Variants in PARD3 observed in about 807,000 individuals in gnomAD.
PARD3 encodes the protein par-3 family cell polarity regulator.
A neutral mutation model predicts 155.4 loss-of-function variants in PARD3; 75 were observed. The ratio of observed to expected loss-of-function variants is 0.48; its 90% CI spans 0.40 to 0.58. The LOEUF is 0.58. Among genes scored for constraint, PARD3 ranks in the 20% least tolerant of loss-of-function variants. The probability of loss-of-function intolerance (pLI) is 0.00; values close to 1 mark genes in which losing one functional copy is unlikely to be tolerated. For missense variants in PARD3, 1,642 were observed against 1,721.7 expected (o/e 0.95, Z 0.82); for synonymous variants, 576 against 610.5 (o/e 0.94, Z 0.83).
At chr10:34,692,878 C>T (rs2094096017) in intron 2 of PARD3, among the ~76,000 whole-genome samples, 1 of 152,040 alleles carries the variant, frequency 6.6e-6, no homozygotes, top group Non-Finnish European at 1.5e-5. Flanking sequence ...CATCTCAAAA[C>T]AAAGTGGACA....
chr10:34,568,079 A>G (rs762390459), intron 2 of PARD3, among the ~76,000 whole-genome samples: 37 of 152,014 alleles, frequency 2.4e-4, no homozygotes, highest in Non-Finnish European at 4.4e-4. Flanking sequence ...CTGCTCTCTC[A>G]CCTCTGCCTC....
chr10:34,697,133 T>C (rs961747164), intron 1 of PARD3, among the ~76,000 whole-genome samples: 3 of 152,136 alleles, frequency 2.0e-5, no homozygotes, highest in Admixed American at 2.0e-4. Flanking sequence ...TTAAATTTTA[T>C]ACACTTCTAT....
intron 4 of PARD3, among the ~76,000 whole-genome samples, chr10:34,468,488 C>A (rs1313026730): frequency 6.6e-6 from 1 of 152,112 alleles, no homozygotes; most frequent in East Asian, 1.9e-4. Flanking sequence ...TAAATTAGGT[C>A]TGTTCTAAAA....
intron 1 of PARD3, among the ~76,000 whole-genome samples, chr10:34,766,598 T>C (rs1416749771): frequency 6.9e-6 from 1 of 144,754 alleles, no homozygotes; most frequent in East Asian, 2.0e-4. Flanking sequence ...GCTCTAATAT[T>C]TTTAAAATAC....
In PARD3 at chr10:34,695,540, A is replaced by G. The variant is rs188501712; in HGVS notation, c.222+778T>C. Among the ~76,000 whole-genome samples the G allele has an allele frequency of 4.0e-5, 6 of 151,170 alleles. No individual in the cohort carries two copies. The East Asian group carries it at 5.8e-4, about 15-fold the overall frequency. On this transcript the variant is annotated intron_variant, in intron 2 of 24. Transcript: ENST00000374788. ...TCCAGAGCCGAACATCCTGTCACGC[A>G]TTCTCAAAACGCTGAACGTTCCTCC...
At chr10:34,800,358 C>T (rs973538052) in intron 1 of PARD3, among the ~76,000 whole-genome samples, 1 of 151,986 alleles carries the variant, frequency 6.6e-6, no homozygotes, top group African/African-American at 2.4e-5. Flanking sequence ...CCTGTAAATC[C>T]CAGCACTTTG....
At chr10:34,640,447 T>C (rs1214558091) in intron 2 of PARD3, among the ~76,000 whole-genome samples, 3 of 151,760 alleles carry the variant, frequency 2.0e-5, no homozygotes, top group Non-Finnish European at 4.4e-5. Flanking sequence ...TGAAACCCTG[T>C]CTCTACTAAA....
chr10:34,323,775 C>A (rs1958518779), intron 19 of PARD3, among the ~76,000 whole-genome samples: 1 of 152,210 alleles, frequency 6.6e-6, no homozygotes, highest in East Asian at 1.9e-4. Flanking sequence ...CTTCCCTAGA[C>A]AATGTTGCAG....
intron 15 of PARD3, chr10:34,343,485 T>C: frequency 2.5e-5 from 25 of 984,468 alleles, no homozygotes; most frequent in Non-Finnish European, 3.0e-5. Context: ...ATCTTCCTCA[T>C]AGTAAGAAAA....
In PARD3 at chr10:34,459,677, C is replaced by T. The variant is rs568675129; in HGVS notation, c.583-9229G>A. The stretch of plus-strand genomic sequence containing the variant: ...CAGTCTTATACATTATTTAGATGTG[C>T]ATCATAAATATTTTATATTTATCTA... On this transcript the variant is annotated intron_variant, in intron 4 of 24. Transcript: ENST00000374788. Among the ~76,000 whole-genome samples the T allele has an allele frequency of 4.4e-4, 67 of 152,120 alleles. No individual in the cohort carries two copies. In the South Asian group the frequency reaches 0.014, roughly 31 times the overall value.
At chr10:34,300,778 G>A (rs1347783570) in intron 20 of PARD3, among the ~76,000 whole-genome samples, 2 of 152,128 alleles carry the variant, frequency 1.3e-5, no homozygotes, top group Admixed American at 1.3e-4. Context: ...CTAATGCCAC[G>A]AAGATCCTTA....
chr10:34,413,594 C>T (rs549799240), intron 5 of PARD3, among the ~76,000 whole-genome samples: 177 of 152,248 alleles, frequency 1.2e-3, no homozygotes, highest in African/African-American at 3.8e-3. Flanking sequence ...CTAAGGGTCC[C>T]GAGTTACCTG....
At chr10:34,296,809 G>A (rs1589091852) in intron 20 of PARD3, among the ~76,000 whole-genome samples, 1 of 152,132 alleles carries the variant, frequency 6.6e-6, no homozygotes, top group South Asian at 2.1e-4. Context: ...ATACTTTGGG[G>A]GATAATTTCA....
At chr10:34,461,626 T>C (rs1044520445) in intron 4 of PARD3, among the ~76,000 whole-genome samples, 9 of 151,916 alleles carry the variant, frequency 5.9e-5, no homozygotes, top group African/African-American at 2.2e-4. Flanking sequence ...AATAAATAAA[T>C]AAAAAGATGA....
intron 22 of PARD3, among the ~76,000 whole-genome samples, chr10:34,133,779 T>C (rs1223191546): frequency 6.6e-6 from 1 of 152,210 alleles, no homozygotes; most frequent in Non-Finnish European, 1.5e-5. Flanking sequence ...AAATTGAACA[T>C]GTTCATGTAC....
intron 24 of PARD3, among the ~76,000 whole-genome samples, chr10:34,116,005 C>G (rs1439611887): frequency 1.3e-5 from 2 of 152,114 alleles, no homozygotes; most frequent in African/African-American, 4.8e-5. Flanking sequence ...GCCACCACGC[C>G]CAGCCTATAA....
chr10:34,530,323 A>G (rs988621390), intron 2 of PARD3, among the ~76,000 whole-genome samples: 1 of 152,194 alleles, frequency 6.6e-6, no homozygotes, highest in Non-Finnish European at 1.5e-5. Context: ...CACATATCAC[A>G]GAAGGGTCCA....
chr10:34,431,569 T>C (rs1448625164), intron 5 of PARD3, among the ~76,000 whole-genome samples: 6 of 151,412 alleles, frequency 4.0e-5, no homozygotes, highest in Non-Finnish European at 8.8e-5. Context: ...GGTGAAACCC[T>C]GTCTCTTCTA....
intron 20 of PARD3, among the ~76,000 whole-genome samples, chr10:34,316,751 T>C (rs559322334): frequency 7.9e-5 from 12 of 152,344 alleles, no homozygotes; most frequent in African/African-American, 2.9e-4. Context: ...GTTGGCAAGA[T>C]ATAATCATTT....
Sources: gnomAD v4.1 joint callset for allele counts (sites outside exome capture counted in the v4.1 genomes callset) on GRCh38, gnomAD v4.1.1 for gene constraint, MANE v1.5 for transcripts, NCBI Gene and HGNC (gene_info 2026-07-23, HGNC 2026-07-21) for gene names.